Variants in CNBD1 observed in about 807,000 individuals in gnomAD.
CNBD1 encodes cyclic nucleotide binding domain containing 1, also known as cyclic nucleotide-binding domain-containing protein 1.
Under a neutral mutation model 54.4 loss-of-function variants are expected in CNBD1, and 71 were observed. That is an observed-to-expected ratio of 1.30 (90% CI 1.08 to 1.59). The LOEUF is 1.59. Among genes scored for constraint, CNBD1 ranks in the 40% most tolerant of loss-of-function variants. The probability of loss-of-function intolerance (pLI) is 0.00; values close to 1 mark genes in which losing one functional copy is unlikely to be tolerated. For missense variants in CNBD1, 659 were observed against 518.0 expected (o/e 1.27, Z -2.64); for synonymous variants, 182 against 170.7 (o/e 1.07, Z -0.51).
intron 4 of CNBD1, among the ~76,000 whole-genome samples, chr8:86,969,722 A>T (rs944419084): frequency 2.6e-5 from 4 of 151,688 alleles, no homozygotes; most frequent in African/African-American, 9.7e-5. Flanking sequence ...ATACAAATTA[A>T]TAATGTGGAA....
chr8:86,989,926 G>C lies in CNBD1; in HGVS notation c.431+50172G>C, dbSNP rs530653692. Among the ~76,000 whole-genome samples the C allele has an allele frequency of 7.2e-5, 11 of 152,218 alleles. No individual in the cohort carries two copies. The East Asian group carries it at 1.9e-3, about 27-fold the overall frequency. ...AGGTAGGACAGCCCATTGTAGTTTTGATTTGCATTTTTCTGATGACCAATC... is the reference window on the plus strand; with the variant it reads ...AGGTAGGACAGCCCATTGTAGTTTTCATTTGCATTTTTCTGATGACCAATC... On this transcript the variant is annotated intron_variant, in intron 4 of 10. Transcript: ENST00000518476.
chr8:87,413,511 A>C (rs901870133), intron 2 of CNBD1, among the ~76,000 whole-genome samples: 3 of 152,022 alleles, frequency 2.0e-5, no homozygotes, highest in African/African-American at 7.2e-5. Flanking sequence ...AATGCTTAAG[A>C]TATTATTATA....
At chr8:87,065,575 T>C (rs1246266643) in intron 4 of CNBD1, among the ~76,000 whole-genome samples, 1 of 151,938 alleles carries the variant, frequency 6.6e-6, no homozygotes, top group Non-Finnish European at 1.5e-5. Flanking sequence ...GAATATTTAC[T>C]AGGCACACTC....
chr8:86,888,731 A>G (rs1222696422), intron 2 of CNBD1, among the ~76,000 whole-genome samples: 1 of 152,148 alleles, frequency 6.6e-6, no homozygotes, highest in Non-Finnish European at 1.5e-5. Context: ...CCAAGCTTTG[A>G]ATCTATCTTA....
At chr8:87,245,288 T>G (rs1437250274) in intron 6 of CNBD1, among the ~76,000 whole-genome samples, 1 of 152,060 alleles carries the variant, frequency 6.6e-6, no homozygotes, top group African/African-American at 2.4e-5. Flanking sequence ...GTGTAAAATT[T>G]TTACAACTCT....
chr8:87,427,286 G>T (rs1264900134), intron 2 of CNBD1, among the ~76,000 whole-genome samples: 1 of 152,036 alleles, frequency 6.6e-6, no homozygotes, highest in Non-Finnish European at 1.5e-5. Context: ...AAATGAGTTT[G>T]GGGTATAAAA....
intron 4 of CNBD1, among the ~76,000 whole-genome samples, chr8:87,169,084 C>T (rs1284276297): frequency 6.6e-6 from 1 of 151,936 alleles, no homozygotes; most frequent in Admixed American, 6.6e-5. Flanking sequence ...ATGTCCTCAC[C>T]AGCATTTCTT....
At chr8:86,963,875 GGA>G (rs1177299934) in intron 4 of CNBD1, among the ~76,000 whole-genome samples, 1 of 152,154 alleles carries the variant, frequency 6.6e-6, no homozygotes, top group Non-Finnish European at 1.5e-5. Flanking sequence ...GCACCATTTG[GGA>G]GATGGCAATC....
intron 4 of CNBD1, among the ~76,000 whole-genome samples, chr8:86,984,479 T>C (rs1203847297): frequency 1.3e-5 from 2 of 152,078 alleles, no homozygotes; most frequent in South Asian, 2.1e-4. Flanking sequence ...CATCTTGCAC[T>C]GTGTGTCTGG....
At chr8:87,011,349 G>A (rs1376449149) in intron 4 of CNBD1, among the ~76,000 whole-genome samples, 1 of 152,018 alleles carries the variant, frequency 6.6e-6, no homozygotes, top group Non-Finnish European at 1.5e-5. Flanking sequence ...GGGGAAAAGT[G>A]GCAAAGACCA....
At chr8:87,114,437 G>GGAA in intron 4 of CNBD1, among the ~76,000 whole-genome samples, 1 of 152,038 alleles carries the variant, frequency 6.6e-6, no homozygotes, top group Non-Finnish European at 1.5e-5. Flanking sequence ...TACAACCTCC[G>GGAA]CCTCCCAGGT....
intron 10 of CNBD1, among the ~76,000 whole-genome samples, chr8:87,372,307 G>A (rs922146660): frequency 6.6e-6 from 1 of 151,934 alleles, no homozygotes; most frequent in Non-Finnish European, 1.5e-5. Context: ...GATAATTTAT[G>A]ATGGGCCCTG....
chr8:86,910,200 A>G (rs1809079207), intron 3 of CNBD1, among the ~76,000 whole-genome samples: 1 of 152,112 alleles, frequency 6.6e-6, no homozygotes, highest in Non-Finnish European at 1.5e-5. Flanking sequence ...TGATTCGCCT[A>G]ACCTACTGGA....
At chr8:87,151,521 T>C (rs774758765) in intron 4 of CNBD1, among the ~76,000 whole-genome samples, 6 of 152,144 alleles carry the variant, frequency 3.9e-5, no homozygotes, top group Non-Finnish European at 8.8e-5. Context: ...GGAAGGGGAA[T>C]ATACCACATC....
At chr8:87,275,275 A>G (rs1008002536) in intron 6 of CNBD1, among the ~76,000 whole-genome samples, 1 of 136,942 alleles carries the variant, frequency 7.3e-6, no homozygotes, top group Non-Finnish European at 1.6e-5. Flanking sequence ...TTGGTTCCAT[A>G]TGAACTTTAA....
chr8:87,083,153 A>G (rs1586244082), intron 4 of CNBD1, among the ~76,000 whole-genome samples: 1 of 152,206 alleles, frequency 6.6e-6, no homozygotes, highest in South Asian at 2.1e-4. Flanking sequence ...GCATAACACT[A>G]TGTGACAAAG....
intron 6 of CNBD1, among the ~76,000 whole-genome samples, chr8:87,264,021 A>C (rs1808196959): frequency 6.6e-6 from 1 of 152,106 alleles, no homozygotes; most frequent in Non-Finnish European, 1.5e-5. Flanking sequence ...TTATACTTTA[A>C]GTTTTAGGGT....
intron 8 of CNBD1, among the ~76,000 whole-genome samples, chr8:87,313,376 T>C (rs536584462): frequency 5.9e-5 from 9 of 152,146 alleles, no homozygotes; most frequent in African/African-American, 2.2e-4. Context: ...GTCAAGTATT[T>C]TACACAGAAC....
At chr8:87,198,484 CA>C (rs1192105945) in intron 4 of CNBD1, among the ~76,000 whole-genome samples, 1 of 151,518 alleles carries the variant, frequency 6.6e-6, no homozygotes, top group African/African-American at 2.4e-5. Context: ...TATATGGAAA[CA>C]AAAAAAAGCA....
Sources: gnomAD v4.1 joint callset for allele counts (sites outside exome capture counted in the v4.1 genomes callset) on GRCh38, gnomAD v4.1.1 for gene constraint, MANE v1.5 for transcripts, NCBI Gene and HGNC (gene_info 2026-07-23, HGNC 2026-07-21) for gene names.